GRID2: variants seen among roughly 807,000 people sequenced by gnomAD.
The protein encoded by GRID2 is glutamate receptor ionotropic, delta-2.
Under a neutral mutation model 114.8 loss-of-function variants are expected in GRID2, and 33 were observed. The ratio of observed to expected loss-of-function variants is 0.29; its 90% CI spans 0.22 to 0.38. GRID2 has a LOEUF of 0.38. Among genes scored for constraint, GRID2 ranks in the 10% least tolerant of loss-of-function variants. The pLI is 1.00. For missense variants in GRID2, 1,184 were observed against 1,257.7 expected, an observed-to-expected ratio of 0.94 and a Z score of 0.89; for synonymous variants, 505 against 449.9, an observed-to-expected ratio of 1.12 and a Z score of -1.55.
chr4:93,687,440 A>G (rs1726171597), intron 14 of GRID2, among the ~76,000 whole-genome samples: 1 of 151,964 alleles, frequency 6.6e-6, no homozygotes, highest in Admixed American at 6.6e-5. Context: ...AGCAGAAGAG[A>G]AGAAGGCTGA....
intron 8 of GRID2, among the ~76,000 whole-genome samples, chr4:93,290,678 GTTC>G (rs745718993): frequency 2.0e-5 from 3 of 151,672 alleles, no homozygotes; most frequent in Non-Finnish European, 4.4e-5. Flanking sequence ...TGGTTTTGTT[GTTC>G]TTCTTTCTTT....
At chr4:93,085,725 A>G (rs2149322759) in intron 3 of GRID2, among the ~76,000 whole-genome samples, 1 of 152,292 alleles carries the variant, frequency 6.6e-6, no homozygotes, top group African/African-American at 2.4e-5. Context: ...AATCTTGCTT[A>G]CACCCTTGTG....
chr4:93,644,435 A>T (rs1418373875), intron 14 of GRID2, among the ~76,000 whole-genome samples: 1 of 152,110 alleles, frequency 6.6e-6, no homozygotes, highest in African/African-American at 2.4e-5. Context: ...AAATCGTGAG[A>T]TTTCTACTCT....
At chr4:93,377,854 G>GAA (rs376335886) in intron 8 of GRID2, among the ~76,000 whole-genome samples, 2 of 146,510 alleles carry the variant, frequency 1.4e-5, no homozygotes, top group South Asian at 2.2e-4. Flanking sequence ...AAGCATTCTG[G>GAA]AAAAAAAAAA....
intron 2 of GRID2, among the ~76,000 whole-genome samples, chr4:92,724,648 C>A (rs1312110403): frequency 6.6e-6 from 1 of 152,056 alleles, no homozygotes; most frequent in African/African-American, 2.4e-5. Flanking sequence ...TCTACTTCTA[C>A]CACTATTAAC....
chr4:93,171,806 T>C (rs1200454826), intron 4 of GRID2, among the ~76,000 whole-genome samples: 4 of 150,976 alleles, frequency 2.6e-5, no homozygotes, highest in Non-Finnish European at 5.9e-5. Flanking sequence ...ATATAACTAA[T>C]TAGTGTTAGA....
At chr4:92,985,803 G>A (rs1754482924) in intron 2 of GRID2, among the ~76,000 whole-genome samples, 1 of 152,118 alleles carries the variant, frequency 6.6e-6, no homozygotes, top group Admixed American at 6.6e-5. Flanking sequence ...TCAGCCACAA[G>A]TTATCTTCCA....
At chr4:93,113,462 A>G (rs961042972) in intron 4 of GRID2, among the ~76,000 whole-genome samples, 11 of 152,172 alleles carry the variant, frequency 7.2e-5, no homozygotes, top group Admixed American at 6.6e-4. Context: ...GAGACCAGGA[A>G]AAAGATCAGT....
chr4:93,622,457 C>T (rs1328669926), intron 13 of GRID2, among the ~76,000 whole-genome samples: 2 of 152,118 alleles, frequency 1.3e-5, no homozygotes, highest in Non-Finnish European at 2.9e-5. Flanking sequence ...CATCAAACAT[C>T]ATCATGCAGT....
At chr4:92,712,294 A>C (rs963037813) in intron 2 of GRID2, among the ~76,000 whole-genome samples, 1 of 152,072 alleles carries the variant, frequency 6.6e-6, no homozygotes, top group Non-Finnish European at 1.5e-5. Context: ...TATGTTCTAC[A>C]TTATTATTTT....
chr4:93,378,725 T>C (rs1763590802), intron 8 of GRID2, among the ~76,000 whole-genome samples: 1 of 152,132 alleles, frequency 6.6e-6, no homozygotes, highest in Admixed American at 6.6e-5. Context: ...AATTTTCTGA[T>C]ATTGCCCAAG....
At chr4:92,564,355 C>T (rs766498104) in intron 1 of GRID2, among the ~76,000 whole-genome samples, 2 of 151,882 alleles carry the variant, frequency 1.3e-5, no homozygotes, top group Non-Finnish European at 2.9e-5. Context: ...TTAAAAAAAT[C>T]ATTGTTGCCC....
At chr4:92,877,957 T>G (rs1745751635) in intron 2 of GRID2, among the ~76,000 whole-genome samples, 1 of 152,126 alleles carries the variant, frequency 6.6e-6, no homozygotes, top group South Asian at 2.1e-4. Flanking sequence ...CGTCTGGTGT[T>G]TCTTGCTCCC....
intron 8 of GRID2, among the ~76,000 whole-genome samples, chr4:93,311,543 G>T (rs1434930608): frequency 6.6e-6 from 1 of 152,198 alleles, no homozygotes; most frequent in African/African-American, 2.4e-5. Context: ...AAAAAATGAG[G>T]CAGGGATTAC....
intron 2 of GRID2, among the ~76,000 whole-genome samples, chr4:92,916,535 C>G (rs767953719): frequency 7.2e-5 from 11 of 151,752 alleles, no homozygotes; most frequent in Non-Finnish European, 1.2e-4. Flanking sequence ...AACAGGCCCT[C>G]GTGTGTGATG....
chr4:92,816,951 C>T (rs1432807244), intron 2 of GRID2, among the ~76,000 whole-genome samples: 1 of 152,112 alleles, frequency 6.6e-6, no homozygotes, highest in Non-Finnish European at 1.5e-5. Context: ...ACATAACTAC[C>T]TAGCTGCCCT....
chr4:92,916,508 C>G lies in GRID2; in HGVS notation c.245-168487C>G, dbSNP rs1205388990. The stretch of plus-strand genomic sequence containing the variant: ...TATATCTCCTAATGCTATGCCTCCC[C>G]CCAGCCCCCACCCCACAACAGGCCC... On this transcript the variant is annotated intron_variant, in intron 2 of 15. Coordinates refer to ENST00000282020, the MANE Select transcript of GRID2 (RefSeq NM_001510.4). 8.6e-5 allele frequency among the ~76,000 whole-genome samples: 13 copies of G among 151,994 alleles called. No individual in the cohort carries two copies. In the East Asian group the frequency reaches 2.5e-3, roughly 29 times the overall value.
chr4:92,402,838 G>A (rs1730853614), intron 1 of GRID2, among the ~76,000 whole-genome samples: 1 of 152,126 alleles, frequency 6.6e-6, no homozygotes, highest in African/African-American at 2.4e-5. Flanking sequence ...AAGCTTCGAA[G>A]GCAGCAATTA....
At chr4:93,098,451 A>C (rs1420924586) in intron 3 of GRID2, among the ~76,000 whole-genome samples, 1 of 152,004 alleles carries the variant, frequency 6.6e-6, no homozygotes, top group Admixed American at 6.6e-5. Flanking sequence ...CAATGGCTAG[A>C]TGCCATAATA....
Sources: gnomAD v4.1 joint callset for allele counts (sites outside exome capture counted in the v4.1 genomes callset) on GRCh38, gnomAD v4.1.1 for gene constraint, MANE v1.5 for transcripts, NCBI Gene and HGNC (gene_info 2026-07-23, HGNC 2026-07-21) for gene names.